Variants in SLC25A36 observed in about 807,000 individuals in gnomAD.
SLC25A36 encodes epididymis secretory sperm binding protein.
In SLC25A36, 24 loss-of-function variants were observed where a neutral mutation model predicts 35.3. The ratio of observed to expected loss-of-function variants is 0.68; its 90% CI spans 0.49 to 0.96. The LOEUF is 0.96. Ranked by LOEUF, SLC25A36 falls within the 40% of genes least tolerant of loss-of-function variation. The pLI, the probability that SLC25A36 is intolerant of heterozygous loss-of-function variation, is 0.00. For synonymous variants in SLC25A36, 141 were observed against 132.2 expected (o/e 1.07, Z -0.46); for missense variants, 294 against 381.1 (o/e 0.77, Z 1.90).
chr3:140,944,941 G>T (rs896437572), intron 1 of SLC25A36, among the ~76,000 whole-genome samples: 3 of 152,054 alleles, frequency 2.0e-5, no homozygotes, highest in Non-Finnish European at 4.4e-5. Context: ...ATTTATTTCC[G>T]CTTCACTCTG....
chr3:140,963,242 T>C lies in SLC25A36; in HGVS notation c.385+15T>C. ...TGCAATGGCAGGTATGAATGTATAA[T>C]ATTAAAAAAAAAAAAAACTTTCTGA... is the stretch of plus-strand genomic sequence containing the variant. On this transcript the variant is annotated intron_variant, in intron 4 of 6. Transcript: ENST00000324194. 1.4e-6 allele frequency: 2 copies of C among 1,461,202 alleles called. No individual in the cohort carries two copies. Among genetic ancestry groups the C allele is most frequent in the Non-Finnish European group, 1.8e-6 (2 of 1,085,324 alleles). 90.5% of individuals were successfully genotyped at this position (1,461,202 alleles called of 1,614,324 possible).
chr3:140,976,605 C>A lies in SLC25A36; in HGVS notation c.*152C>A. On this transcript the variant is annotated 3_prime_UTR_variant, in exon 7 of 7. Coordinates refer to ENST00000324194, the MANE Select transcript of SLC25A36 (RefSeq NM_001104647.3). ...GTTTTGTTGTAGGAATTATAGTAAT[C>A]ACACCACATTACTTGGCCTTTCGGT... 2 of 472,316 alleles carry A rather than the reference C, an allele frequency of 4.2e-6. No individual in the cohort carries two copies. The highest frequency in any genetic ancestry group is 2.1e-5 in the African/African-American group (1 of 48,726). The allele number at this position is 472,316 out of a possible 1,614,324, so 29.3% of individuals were successfully genotyped here.
intron 4 of SLC25A36, among the ~76,000 whole-genome samples, chr3:140,969,206 T>G (rs374395776): frequency 6.6e-6 from 1 of 151,850 alleles, no homozygotes; most frequent in Non-Finnish European, 1.5e-5. Flanking sequence ...ACTCTATAAC[T>G]TTATTCTCAG....
At position 140,970,673 on chromosome 3, in the gene SLC25A36, A is replaced by G. The variant is rs533222436; in HGVS notation, c.386-254A>G. Reference sequence around the variant, plus strand: ...AGAGAGCACCCTAAAGGATATTCTAAGTAGGTTGGGAAAGCAATTTATATT... The same window carrying G: ...AGAGAGCACCCTAAAGGATATTCTAGGTAGGTTGGGAAAGCAATTTATATT... On this transcript the variant is annotated intron_variant, in intron 4 of 6. Coordinates refer to ENST00000324194, the MANE Select transcript of SLC25A36 (RefSeq NM_001104647.3). 3 of 283,618 alleles carry G rather than the reference A, an allele frequency of 1.1e-5. No homozygotes were observed. In the East Asian group the frequency reaches 2.2e-4, roughly 21 times the overall value. The allele number at this position is 283,618 out of a possible 1,614,324, so 17.6% of individuals were successfully genotyped here.
intron 1 of SLC25A36, among the ~76,000 whole-genome samples, chr3:140,950,309 T>G (rs1330476416): frequency 6.6e-6 from 1 of 151,582 alleles, no homozygotes; most frequent in Non-Finnish European, 1.5e-5. Flanking sequence ...TTTTGCTTAG[T>G]TATGTGAGTA....
intron 1 of SLC25A36, among the ~76,000 whole-genome samples, chr3:140,942,976 A>G (rs138346897): frequency 6.2e-4 from 94 of 152,272 alleles, no homozygotes; most frequent in African/African-American, 2.2e-3. Context: ...TTTTTTGAAG[A>G]TAGTGTTAAT....
Position 140,973,785 on chromosome 3 carries a change from A to G in SLC25A36, c.522A>G (p.Lys174=), listed in dbSNP as rs1576489287. 1.4e-5 allele frequency: 23 copies of G among 1,612,284 alleles called. No individual in the cohort carries two copies. The highest frequency in any genetic ancestry group is 4.5e-5 in the East Asian group (2 of 44,850). The stretch of plus-strand genomic sequence containing the variant: ...AAGTGTATCAGACAGATGGACTAAA[A>G]GGATTTTATAGGGGCATGTCTGCTT... ...VRKVYQTDGL[K]GFYRGMSASY... The change falls in exon 6 of 7, where the codon AAA becomes AAG. Residue 174 remains lysine (K), a synonymous_variant. Transcript: ENST00000324194.
chr3:140,956,392 C>A, intron 1 of SLC25A36, 135 bp from the exon 2 acceptor site: 2 of 1,101,380 alleles, frequency 1.8e-6, no homozygotes, highest in Non-Finnish European at 1.2e-6. Flanking sequence ...TCAGTTTAGT[C>A]ATCTAACATT....
intron 4 of SLC25A36, chr3:140,966,244 A>T (rs1934758208): frequency 1.2e-5 from 2 of 165,964 alleles, no homozygotes; most frequent in African/African-American, 2.4e-5. Flanking sequence ...ATATTTTTTA[A>T]AAATATTTTA....
chr3:140,956,655 A>G lies in SLC25A36; in HGVS notation c.170A>G (p.Asn57Ser). Reference sequence around the variant, plus strand: ...AACACCATGGCTGGAGCCAGTGTCAACCGAGTAGTGTCTCCCGGACCTCTT... The same window carrying G: ...AACACCATGGCTGGAGCCAGTGTCAGCCGAGTAGTGTCTCCCGGACCTCTT... ...QLNTMAGASVNRVVSPGPLHC... is the reference protein window; with the variant it reads ...QLNTMAGASVSRVVSPGPLHC... The change falls in exon 2 of 7, where the codon AAC becomes AGC. Residue 57 changes from asparagine to serine, a missense_variant. By Grantham distance (46) the Asn-to-Ser change is conservative (BLOSUM62 1). Transcript: ENST00000324194. 2 of 1,613,700 alleles carry G rather than the reference A, an allele frequency of 1.2e-6. No homozygotes were observed. Among genetic ancestry groups the G allele is most frequent in the Non-Finnish European group, 1.7e-6 (2 of 1,179,872 alleles).
At chr3:140,952,345 GT>G (rs1934350868) in intron 1 of SLC25A36, among the ~76,000 whole-genome samples, 2 of 152,026 alleles carry the variant, frequency 1.3e-5, no homozygotes, top group Non-Finnish European at 2.9e-5. Context: ...CAGAGACAGA[GT>G]CACTGTGTTG....
chr3:140,956,862 T>G (rs1384080729), intron 2 of SLC25A36, 171 bp downstream of exon 2: 3 of 1,095,552 alleles, frequency 2.7e-6, no homozygotes, highest in Non-Finnish European at 3.5e-6. Flanking sequence ...AGAAGAACAG[T>G]TAGACAGATA....
At chr3:140,965,482 A>G (rs1212817783) in intron 4 of SLC25A36, 2 of 151,852 alleles carry the variant, frequency 1.3e-5, no homozygotes, top group East Asian at 3.8e-4. Flanking sequence ...TAGCACACAC[A>G]TTAAGGATTT....
In SLC25A36 at chr3:140,978,085, AGC is replaced by A. The variant is rs1185677886; in HGVS notation, c.*1634_*1635del. On this transcript the variant is annotated 3_prime_UTR_variant, in exon 7 of 7. Transcript: ENST00000324194. The stretch of plus-strand genomic sequence containing the variant: ...TACCCCCAACATTATAGAATATTGC[AGC>A]GTGTCATTGCAAGCTTTCTCTGCTG... 6.6e-6 allele frequency: 1 copy of A among 152,084 alleles called. No homozygotes were observed. Among genetic ancestry groups the A allele is most frequent in the Non-Finnish European group, 1.5e-5 (1 of 68,018 alleles). The allele number at this position is 152,084 out of a possible 1,614,324, so 9.4% of individuals were successfully genotyped here. A position where few individuals can be genotyped will look rare whatever the true frequency, so the allele number is the denominator to read the frequency against.
intron 1 of SLC25A36, among the ~76,000 whole-genome samples, chr3:140,954,179 T>C (rs1934415516): frequency 6.6e-6 from 1 of 152,200 alleles, no homozygotes; most frequent in Non-Finnish European, 1.5e-5. Flanking sequence ...AAAAGCCTTT[T>C]GTGCTTAGCT....
rs1310690633 is a variant in SLC25A36, at chr3:140,980,934, CAT to C, written c.*4482_*4483del. ...GAGTGCTGTGTTTATACAGTGGTGT[CAT>C]GTGATTTCTTAATAGCCTATAGATC... is the stretch of plus-strand genomic sequence containing the variant. On this transcript the variant is annotated 3_prime_UTR_variant, in exon 7 of 7. Transcript: ENST00000324194. Among the ~76,000 whole-genome samples the C allele has an allele frequency of 2.6e-5, 4 of 152,144 alleles. No homozygotes were observed. The highest frequency in any genetic ancestry group is 7.2e-5 in the African/African-American group (3 of 41,430).
chr3:140,970,586 G>C (rs905552859), intron 4 of SLC25A36: 1 of 156,556 alleles, frequency 6.4e-6, no homozygotes, highest in Non-Finnish European at 1.4e-5. Context: ...CTTTTTAGCC[G>C]TAGAATACAC....
intron 3 of SLC25A36, among the ~76,000 whole-genome samples, chr3:140,960,152 G>A (rs191278760): frequency 1.5e-3 from 225 of 152,284 alleles, no homozygotes; most frequent in African/African-American, 5.1e-3. Context: ...CTGGGGAGAT[G>A]CTTATCCTCT....
chr3:140,958,992 G>C (rs1431605312), intron 2 of SLC25A36, among the ~76,000 whole-genome samples: 1 of 137,592 alleles, frequency 7.3e-6, no homozygotes, highest in East Asian at 2.1e-4. Flanking sequence ...GTGTGTGTGT[G>C]TGTGTGTGTG....
Sources: gnomAD v4.1 joint callset for allele counts (sites outside exome capture counted in the v4.1 genomes callset) on GRCh38, gnomAD v4.1.1 for gene constraint, MANE v1.5 for transcripts, NCBI Gene and HGNC (gene_info 2026-07-23, HGNC 2026-07-21) for gene names.